The following CFAP54 variants were observed in gnomAD, a reference collection of about 807,000 sequenced individuals.
CFAP54 encodes cilia- and flagella-associated protein 54.
Under a neutral mutation model 370.4 loss-of-function variants are expected in CFAP54, and 290 were observed. That is an observed-to-expected ratio of 0.78 (90% confidence interval 0.71 to 0.86). The LOEUF (loss-of-function observed/expected upper bound fraction) is 0.86, where lower values mean the gene tolerates loss of function less well. Among genes scored for constraint, CFAP54 ranks in the 40% least tolerant of loss-of-function variants. CFAP54 has a pLI of 0.00. For missense variants in CFAP54, 3,399 were observed against 3,528.7 expected (o/e 0.96, Z 0.93); for synonymous variants, 1,206 against 1,236.5 (o/e 0.98, Z 0.52).
chr12:96,738,514 C>T (rs1286990298), intron 50 of CFAP54, among the ~76,000 whole-genome samples: 4 of 151,826 alleles, frequency 2.6e-5, no homozygotes, highest in South Asian at 2.1e-4. Flanking sequence ...TGGCGTTCCT[C>T]GGCTTGTAGG....
intron 25 of CFAP54, among the ~76,000 whole-genome samples, chr12:96,596,604 C>T (rs756253882): frequency 4.6e-5 from 7 of 151,900 alleles, no homozygotes; most frequent in Non-Finnish European, 8.8e-5. Flanking sequence ...TAAAATAAAG[C>T]AAAAACTTTA....
Position 96,828,961 on chromosome 12 carries a change from T to C in CFAP54, c.9097-53T>C, listed in dbSNP as rs1959158159. On this transcript the variant is annotated intron_variant, in intron 65 of 67. Coordinates refer to ENST00000524981, the MANE Select transcript of CFAP54 (RefSeq NM_001306084.2). The stretch of plus-strand genomic sequence containing the variant: ...ATAGTTTATAATTAAATAGGTAATA[T>C]TTAGGTTTCTAATAATATCAACCTC... 10 of 886,062 alleles carry C rather than the reference T, an allele frequency of 1.1e-5. No individual in the cohort carries two copies. The South Asian group carries it at 1.5e-4, about 13-fold the overall frequency. 54.9% of individuals were successfully genotyped at this position (886,062 alleles called of 1,614,324 possible).
chr12:96,679,430 GA>G (rs376587075), intron 39 of CFAP54, among the ~76,000 whole-genome samples, 169 bp from the exon 40 acceptor site: 70 of 145,720 alleles, frequency 4.8e-4, no homozygotes, highest in African/African-American at 1.4e-3. Context: ...TATACTAAAA[GA>G]AAAAAAAAAT....
At position 96,565,902 on chromosome 12, in the gene CFAP54, C is replaced by T. The variant is rs75140611; in HGVS notation, c.2619+1137C>T. 1.1e-4 allele frequency among the ~76,000 whole-genome samples: 16 copies of T among 152,206 alleles called. No individual in the cohort carries two copies. In the East Asian group the frequency reaches 3.1e-3, roughly 29 times the overall value. On this transcript the variant is annotated intron_variant, in intron 19 of 67. Coordinates refer to ENST00000524981, the MANE Select transcript of CFAP54 (RefSeq NM_001306084.2). ...TAATCCCTATGTGTTGTGGGAGGGA[C>T]GAGGTGGAGATAATTGAATCACGGG...
At chr12:96,818,808 A>G (rs577388281) in intron 65 of CFAP54, among the ~76,000 whole-genome samples, 179 of 152,326 alleles carry the variant, frequency 1.2e-3, no homozygotes, top group African/African-American at 4.0e-3. Context: ...CTGATGAGAT[A>G]AGTCACTCCA....
chr12:96,572,178 C>G (rs932561190), intron 19 of CFAP54, among the ~76,000 whole-genome samples: 4 of 152,182 alleles, frequency 2.6e-5, no homozygotes, highest in Non-Finnish European at 5.9e-5. Context: ...AAAGCACTGT[C>G]CTTCCTGCCA....
At chr12:96,848,500 C>A (rs928809561) in intron 66 of CFAP54, among the ~76,000 whole-genome samples, 1 of 152,048 alleles carries the variant, frequency 6.6e-6, no homozygotes, top group Non-Finnish European at 1.5e-5. Context: ...AGATCGAGAC[C>A]ATCCTGGCCA....
intron 5 of CFAP54, among the ~76,000 whole-genome samples, chr12:96,513,892 C>T (rs1039279095): frequency 1.3e-5 from 2 of 152,216 alleles, no homozygotes; most frequent in African/African-American, 4.8e-5. Flanking sequence ...GGTGAATGCA[C>T]ACTTAAACTC....
chr12:96,603,919 A>G (rs1772388956), intron 26 of CFAP54, among the ~76,000 whole-genome samples: 1 of 152,140 alleles, frequency 6.6e-6, no homozygotes, highest in African/African-American at 2.4e-5. Flanking sequence ...TTTAGCTTGG[A>G]GAAGTTTGTT....
chr12:96,818,665 C>T (rs947461997), intron 65 of CFAP54, among the ~76,000 whole-genome samples: 1 of 152,230 alleles, frequency 6.6e-6, no homozygotes, highest in South Asian at 2.1e-4. Context: ...CATTTCCCTT[C>T]TGCCCCACTC....
intron 28 of CFAP54, 51 bp downstream of exon 28, chr12:96,623,932 C>A: frequency 2.6e-6 from 3 of 1,166,320 alleles, no homozygotes; most frequent in Middle Eastern, 1.9e-4. Context: ...TTTTTTAAAA[C>A]GAGAAACTAT....
chr12:96,659,422 C>G (rs970437115), intron 38 of CFAP54, among the ~76,000 whole-genome samples: 4 of 152,152 alleles, frequency 2.6e-5, no homozygotes, highest in Non-Finnish European at 5.9e-5. Flanking sequence ...GTGTGAACCA[C>G]TGTAATCTAG....
intron 33 of CFAP54, chr12:96,646,703 A>G (rs11108611): frequency 0.15 from 22,324 of 152,330 alleles, 2,133 homozygotes; most frequent in East Asian, 0.44. Context: ...GAACCAAGCC[A>G]AGTGTCCAAC....
At chr12:96,724,385 G>T (rs2136615281) in intron 50 of CFAP54, among the ~76,000 whole-genome samples, 1 of 151,964 alleles carries the variant, frequency 6.6e-6, no homozygotes, top group Admixed American at 6.5e-5. Context: ...GTGTGAGATG[G>T]TATCTCATTG....
At chr12:96,566,172 T>C (rs1295344685) in intron 19 of CFAP54, among the ~76,000 whole-genome samples, 2 of 152,206 alleles carry the variant, frequency 1.3e-5, no homozygotes, top group Non-Finnish European at 2.9e-5. Context: ...TATGTCTTTA[T>C]TAGCAGTGTG....
chr12:96,713,910 G>T (rs1410522487), intron 48 of CFAP54, among the ~76,000 whole-genome samples: 3 of 152,268 alleles, frequency 2.0e-5, no homozygotes, highest in Non-Finnish European at 4.4e-5. Context: ...AGTTCCAGGA[G>T]AGGCTGTCAG....
rs549889668 is a variant in CFAP54, at chr12:96,859,011, C to T, written c.9172-1808C>T. ...TGTTACTTGACTTCAAACTACACTACGGGACTACAGTAACCACAACAGCAT... is the reference window on the plus strand; with the variant it reads ...TGTTACTTGACTTCAAACTACACTATGGGACTACAGTAACCACAACAGCAT... On this transcript the variant is annotated intron_variant, in intron 66 of 67. Transcript: ENST00000524981. Among the ~76,000 whole-genome samples, 22 of 152,276 alleles carry T rather than the reference C, an allele frequency of 1.4e-4. No individual in the cohort carries two copies. In the East Asian group the frequency reaches 3.1e-3, roughly 21 times the overall value.
At position 96,572,919 on chromosome 12, in the gene CFAP54, G is replaced by T. The variant is rs1247950935; in HGVS notation, c.2620-3666G>T. On this transcript the variant is annotated intron_variant, in intron 19 of 67. Coordinates refer to ENST00000524981, the MANE Select transcript of CFAP54 (RefSeq NM_001306084.2). ...TTACCTCAGTTGGATTCATTGATGTGCAGAAAGAAGATGCAAGAATTAAGT... is the reference window on the plus strand; with the variant it reads ...TTACCTCAGTTGGATTCATTGATGTTCAGAAAGAAGATGCAAGAATTAAGT... The T allele has an allele frequency of 6.1e-6, 6 of 985,406 alleles. No homozygotes were observed. The East Asian group carries it at 6.8e-4, about 112-fold the overall frequency. The allele number at this position is 985,406 out of a possible 1,614,324, so 61.0% of individuals were successfully genotyped here.
At chr12:96,607,401 A>G (rs1956312832) in intron 26 of CFAP54, among the ~76,000 whole-genome samples, 1 of 152,214 alleles carries the variant, frequency 6.6e-6, no homozygotes, top group Non-Finnish European at 1.5e-5. Context: ...GAAAACAAAC[A>G]AAAATAACCC....
Sources: allele counts gnomAD v4.1 joint callset (sites outside exome capture counted in the v4.1 genomes callset), GRCh38; gene constraint gnomAD v4.1.1; transcripts MANE v1.5; gene names NCBI Gene and HGNC (gene_info 2026-07-23, HGNC 2026-07-21).